The following INPP4A variants were observed in gnomAD, a reference collection of about 807,000 sequenced individuals.
The protein encoded by INPP4A is inositol polyphosphate-4-phosphatase type I A.
Under a neutral mutation model 119.8 loss-of-function variants are expected in INPP4A, and 33 were observed. The observed-to-expected ratio is 0.28, with a 90% CI of 0.21 to 0.37. INPP4A has a LOEUF of 0.37. INPP4A is among the 10% of genes least tolerant of loss of function. The pLI, the probability that INPP4A is intolerant of heterozygous loss-of-function variation, is 1.00. For missense variants in INPP4A, 956 were observed against 1,289.9 expected (o/e 0.74, Z 3.97); for synonymous variants, 496 against 500.7 (o/e 0.99, Z 0.12).
At chr2:98,464,646 C>G (rs968691882) in intron 1 of INPP4A, among the ~76,000 whole-genome samples, 6 of 152,170 alleles carry the variant, frequency 3.9e-5, no homozygotes, top group Non-Finnish European at 8.8e-5. Flanking sequence ...AGGCCTGTGG[C>G]TGAGAGAAGT....
At chr2:98,565,249 A>G (rs1307129247) in intron 19 of INPP4A, among the ~76,000 whole-genome samples, 1 of 152,248 alleles carries the variant, frequency 6.6e-6, no homozygotes, top group Non-Finnish European at 1.5e-5. Flanking sequence ...AGGACATCGA[A>G]TAGATATCAA....
chr2:98,587,610 C>T lies in INPP4A; in HGVS notation c.*2C>T. On this transcript the variant is annotated 3_prime_UTR_variant, in exon 25 of 25. Coordinates refer to ENST00000409851, the MANE Select transcript of INPP4A (RefSeq NM_001134225.2). ...ACTTACGGAAAAGTTGAAACGTGAA[C>T]ACACGGTTTCCTCTAATTAGCTGTT... 6.3e-7 allele frequency: 1 copy of T among 1,597,608 alleles called. No homozygotes were observed. Among genetic ancestry groups the T allele is most frequent in the South Asian group, 1.2e-5 (1 of 86,504 alleles).
intron 17 of INPP4A, among the ~76,000 whole-genome samples, chr2:98,563,055 T>A (rs1484016651): frequency 1.3e-5 from 2 of 152,224 alleles, no homozygotes; most frequent in African/African-American, 2.4e-5. Flanking sequence ...AGAACCTTTC[T>A]GGGTGTCCTT....
Position 98,543,857 on chromosome 2 carries a change from C to G in INPP4A, c.819-20C>G. 5 of 1,613,136 alleles carry G rather than the reference C, an allele frequency of 3.1e-6. No homozygotes were observed. Among genetic ancestry groups the G allele is most frequent in the South Asian group, 1.1e-5 (1 of 90,890 alleles). On this transcript the variant is annotated intron_variant, in intron 10 of 24. Coordinates refer to ENST00000409851, the MANE Select transcript of INPP4A (RefSeq NM_001134225.2). ...AAACCAGTTAGCCCACAGCCTGATG[C>G]ATCTGTGTCTTGCTTTCAGAGTGTG...
At chr2:98,585,000 A>G (rs1316190057) in intron 24 of INPP4A, among the ~76,000 whole-genome samples, 1 of 152,204 alleles carries the variant, frequency 6.6e-6, no homozygotes, top group Non-Finnish European at 1.5e-5. Flanking sequence ...GTGCTGAGGC[A>G]TTGTTGATGT....
In INPP4A at chr2:98,554,232, GGC is replaced by G. The variant is rs1694062909; in HGVS notation, c.1348-38_1348-37del. The G allele has an allele frequency of 2.6e-6, 4 of 1,527,194 alleles. No homozygotes were observed. 94.6% of individuals were successfully genotyped at this position (1,527,194 alleles called of 1,614,324 possible). On this transcript the variant is annotated intron_variant, in intron 14 of 24. Coordinates refer to ENST00000409851, the MANE Select transcript of INPP4A (RefSeq NM_001134225.2). The surrounding 1 kb of genome is among the most constrained non-coding windows in gnomAD (Gnocchi z 4.7). ...TAAGGCAGGGGCCTCCCCAGCCCCT[GGC>G]CTGGGCTCAGCAGCCTTGGTTTGTG...
In INPP4A at chr2:98,482,155, T is replaced by G. The variant is rs150390537; in HGVS notation, c.-165-36809T>G. On this transcript the variant is annotated intron_variant, in intron 1 of 24. Coordinates refer to ENST00000409851, the MANE Select transcript of INPP4A (RefSeq NM_001134225.2). ...ACTTGAAATTTAAGCAGAAGCCACGTTAAAGTGGCACAGCAGGTGATGTGA... is the reference window on the plus strand; with the variant it reads ...ACTTGAAATTTAAGCAGAAGCCACGGTAAAGTGGCACAGCAGGTGATGTGA... 3.0e-3 allele frequency among the ~76,000 whole-genome samples: 458 copies of G among 152,344 alleles called. 1 individual carries two copies. Among genetic ancestry groups the G allele is most frequent in the African/African-American group, 0.011 (442 of 41,586 alleles).
At position 98,455,348 on chromosome 2, in the gene INPP4A, G is replaced by GA. The variant is rs1189370340; in HGVS notation, c.-166+10273dup. Among the ~76,000 whole-genome samples, 469 of 146,492 alleles carry GA rather than the reference G, an allele frequency of 3.2e-3. 1 individual carries two copies. The highest frequency in any genetic ancestry group is 0.01 in the African/African-American group (410 of 39,954). ...GTGAGACCCTGTCTCTACAAAAAAA[G>GA]AAAAAAAAAAGATACCCCAGAATCT... is the stretch of plus-strand genomic sequence containing the variant. On this transcript the variant is annotated intron_variant, in intron 1 of 24. Coordinates refer to ENST00000409851, the MANE Select transcript of INPP4A (RefSeq NM_001134225.2).
chr2:98,555,232 C>G (rs1694235418), intron 15 of INPP4A, among the ~76,000 whole-genome samples: 1 of 152,168 alleles, frequency 6.6e-6, no homozygotes, highest in Non-Finnish European at 1.5e-5. Flanking sequence ...TGTAGGAAGT[C>G]TGCAGTGGCA....
chr2:98,468,930 A>G (rs922827007), intron 1 of INPP4A, among the ~76,000 whole-genome samples: 1 of 141,132 alleles, frequency 7.1e-6, no homozygotes, highest in Non-Finnish European at 1.5e-5. Flanking sequence ...CAGAGCAGAG[A>G]TGAGTCAACC....
intron 1 of INPP4A, among the ~76,000 whole-genome samples, chr2:98,490,836 G>T (rs1455720813): frequency 6.6e-6 from 1 of 152,128 alleles, no homozygotes; most frequent in East Asian, 1.9e-4. Context: ...CAGTCCTTTG[G>T]CTGTCATAAC....
rs1473457295 is a variant in INPP4A, at chr2:98,594,323, C to T, written c.*6715C>T. 1.3e-5 allele frequency: 2 copies of T among 152,172 alleles called. No individual in the cohort carries two copies. Among genetic ancestry groups the T allele is most frequent in the Non-Finnish European group, 2.9e-5 (2 of 68,036 alleles). The allele number at this position is 152,172 out of a possible 1,614,324, so 9.4% of individuals were successfully genotyped here. A position where few individuals can be genotyped will look rare whatever the true frequency, so the allele number is the denominator to read the frequency against. On this transcript the variant is annotated 3_prime_UTR_variant, in exon 25 of 25. Transcript: ENST00000409851. ...ACATGACAGATTACTTTGTTCTTAACATACGAACATCCTATTCACTTTTTG... is the reference window on the plus strand; with the variant it reads ...ACATGACAGATTACTTTGTTCTTAATATACGAACATCCTATTCACTTTTTG...
At chr2:98,511,957 G>A (rs1685197944) in intron 1 of INPP4A, among the ~76,000 whole-genome samples, 1 of 152,196 alleles carries the variant, frequency 6.6e-6, no homozygotes, top group Non-Finnish European at 1.5e-5. Context: ...AAAAGTTCCG[G>A]TTGGAGGAAC....
intron 1 of INPP4A, among the ~76,000 whole-genome samples, chr2:98,488,370 C>G (rs1679977081): frequency 6.6e-6 from 1 of 152,162 alleles, no homozygotes; most frequent in Admixed American, 6.5e-5. Context: ...GCAAAGCATC[C>G]AAATGGCAGC....
In INPP4A at chr2:98,578,040, C is replaced by T. The variant is rs751098253; in HGVS notation, c.2786+897C>T. ...ACTGCACAAAAGCGACGCGTGAGCT[C>T]CTGCCTCTTGATAAGTGCATTTTGT... On this transcript the variant is annotated intron_variant, in intron 24 of 24. Coordinates refer to ENST00000409851, the MANE Select transcript of INPP4A (RefSeq NM_001134225.2). 4.1e-4 allele frequency among the ~76,000 whole-genome samples: 63 copies of T among 152,176 alleles called. 2 individuals are homozygous for T. Among genetic ancestry groups the T allele is most frequent in the Non-Finnish European group, 2.1e-4 (14 of 68,042 alleles).
intron 1 of INPP4A, among the ~76,000 whole-genome samples, chr2:98,510,048 A>G (rs1470724381): frequency 6.6e-6 from 1 of 152,262 alleles, no homozygotes; most frequent in Admixed American, 6.5e-5. Context: ...CAGGAGCAGG[A>G]TGAAGACACT....
rs542097242 is a variant in INPP4A, at chr2:98,484,482, G to T, written c.-165-34482G>T. The stretch of plus-strand genomic sequence containing the variant: ...TGACTGGGGTGGGAAGCCATGCACA[G>T]GGCCCTGAGAGGGTGTGAGGGATTC... On this transcript the variant is annotated intron_variant, in intron 1 of 24. Transcript: ENST00000409851. Among the ~76,000 whole-genome samples, 5 of 152,324 alleles carry T rather than the reference G, an allele frequency of 3.3e-5. No homozygotes were observed. The East Asian group carries it at 9.6e-4, about 29-fold the overall frequency.
At chr2:98,562,292 C>T (rs1383450186) in intron 17 of INPP4A, among the ~76,000 whole-genome samples, 10 of 152,216 alleles carry the variant, frequency 6.6e-5, no homozygotes, top group Non-Finnish European at 1.2e-4. Context: ...TTTGCATTAA[C>T]CAAACACTGA....
rs1289005917 is a variant in INPP4A, at chr2:98,590,845, CAT to C, written c.*3238_*3239del. ...AAATTTAAGCTACCACCAAAAATAA[CAT>C]GTGCCTTTTCCCTTTATTCTCATTG... On this transcript the variant is annotated 3_prime_UTR_variant, in exon 25 of 25. Coordinates refer to ENST00000409851, the MANE Select transcript of INPP4A (RefSeq NM_001134225.2). The C allele has an allele frequency of 7.4e-5, 17 of 229,706 alleles. No individual in the cohort carries two copies. The highest frequency in any genetic ancestry group is 2.8e-4 in the Admixed American group (5 of 17,662). 14.2% of individuals were successfully genotyped at this position (229,706 alleles called of 1,614,324 possible). A position where few individuals can be genotyped will look rare whatever the true frequency, so the allele number is the denominator to read the frequency against.
Sources: gnomAD v4.1 joint callset for allele counts (sites outside exome capture counted in the v4.1 genomes callset) on GRCh38, gnomAD v4.1.1 for gene constraint, Gnocchi (gnomAD v3.1) non-coding constraint, MANE v1.5 for transcripts, NCBI Gene and HGNC (gene_info 2026-07-23, HGNC 2026-07-21) for gene names.